CAMKMT: variants seen among roughly 807,000 people sequenced by gnomAD.
The protein encoded by CAMKMT is CaM KMT.
A neutral mutation model predicts 48.0 loss-of-function variants in CAMKMT; 53 were observed. The ratio of observed to expected loss-of-function variants is 1.10; its 90% CI spans 0.89 to 1.39. The LOEUF is 1.39. CAMKMT is among the 40% of genes most tolerant of loss of function. CAMKMT has a pLI of 0.00. For missense variants in CAMKMT, 428 were observed against 402.7 expected (o/e 1.06, Z -0.54); for synonymous variants, 165 against 152.3 (o/e 1.08, Z -0.61).
intron 3 of CAMKMT, among the ~76,000 whole-genome samples, chr2:44,625,450 C>T (rs1203577048): frequency 5.3e-5 from 8 of 151,900 alleles, no homozygotes; most frequent in African/African-American, 1.9e-4. Context: ...CAGATTTTTT[C>T]CCAGTCTTTG....
At chr2:44,388,040 A>G (rs1393646898) in intron 2 of CAMKMT, among the ~76,000 whole-genome samples, 1 of 152,050 alleles carries the variant, frequency 6.6e-6, no homozygotes, top group African/African-American at 2.4e-5. Context: ...AATTTCCCAG[A>G]GCTTCTTGTA....
At chr2:44,601,504 A>T (rs947667052) in intron 3 of CAMKMT, among the ~76,000 whole-genome samples, 1 of 151,984 alleles carries the variant, frequency 6.6e-6, no homozygotes, top group Non-Finnish European at 1.5e-5. Context: ...ACAAAATTTT[A>T]AAAAATCATA....
rs575553351 is a variant in CAMKMT at position 44,522,075 on chromosome 2, C to G, written c.376+131770C>G. ...CTGGAGTGCAGTGGCACAATCTCAG[C>G]TCACTGCAGCCTGCCCCTCCCAGGT... On this transcript the variant is annotated intron_variant, in intron 3 of 10. Coordinates refer to ENST00000378494, the MANE Select transcript of CAMKMT (RefSeq NM_024766.5). Among the ~76,000 whole-genome samples the G allele has an allele frequency of 9.2e-5, 14 of 151,646 alleles. No individual in the cohort carries two copies. The South Asian group carries it at 2.7e-3, about 29-fold the overall frequency.
At chr2:44,539,073 G>A (rs1666946395) in intron 3 of CAMKMT, among the ~76,000 whole-genome samples, 1 of 151,668 alleles carries the variant, frequency 6.6e-6, no homozygotes, top group African/African-American at 2.4e-5. Flanking sequence ...GGAGGCCGAG[G>A]TGGGTGGATT....
intron 3 of CAMKMT, among the ~76,000 whole-genome samples, chr2:44,683,186 T>A (rs1434457696): frequency 6.7e-6 from 1 of 149,664 alleles, no homozygotes; most frequent in Admixed American, 6.7e-5. Context: ...GCAGGGTTTC[T>A]ATAAAACTGT....
At chr2:44,725,970 G>A (rs1197785656) in intron 7 of CAMKMT, among the ~76,000 whole-genome samples, 1 of 152,138 alleles carries the variant, frequency 6.6e-6, no homozygotes, top group South Asian at 2.1e-4. Flanking sequence ...GTATCTGATA[G>A]GTAGTTTTTT....
intron 3 of CAMKMT, among the ~76,000 whole-genome samples, chr2:44,413,307 A>T (rs937869674): frequency 2.0e-5 from 3 of 152,030 alleles, no homozygotes; most frequent in Admixed American, 2.0e-4. Context: ...AGGCAGGTAG[A>T]TATTTAGAGA....
intron 3 of CAMKMT, among the ~76,000 whole-genome samples, chr2:44,617,391 G>A (rs1671951622): frequency 6.6e-6 from 1 of 152,170 alleles, no homozygotes; most frequent in African/African-American, 2.4e-5. Flanking sequence ...CACTCCTTAG[G>A]TAAGGGAAGA....
intron 3 of CAMKMT, among the ~76,000 whole-genome samples, chr2:44,394,001 T>G (rs1681591702): frequency 6.6e-6 from 1 of 152,214 alleles, no homozygotes; most frequent in South Asian, 2.1e-4. Context: ...AACTATTTGT[T>G]GTTTATAACA....
chr2:44,624,810 G>A, intron 3 of CAMKMT, among the ~76,000 whole-genome samples: 1 of 152,112 alleles, frequency 6.6e-6, no homozygotes, highest in Non-Finnish European at 1.5e-5. Context: ...CTTTATAGCA[G>A]CATGATTTAT....
intron 3 of CAMKMT, among the ~76,000 whole-genome samples, chr2:44,603,656 C>G (rs574917101): frequency 2.2e-3 from 341 of 152,258 alleles, no homozygotes; most frequent in Non-Finnish European, 4.1e-3. Flanking sequence ...GAAAGATGGT[C>G]TCACTTGATA....
intron 3 of CAMKMT, among the ~76,000 whole-genome samples, chr2:44,445,907 C>T (rs1191594862): frequency 6.6e-6 from 1 of 151,990 alleles, no homozygotes; most frequent in African/African-American, 2.4e-5. Flanking sequence ...GCCAGGAACT[C>T]TTAGATAGGC....
intron 3 of CAMKMT, among the ~76,000 whole-genome samples, chr2:44,685,578 G>A (rs1281670455): frequency 6.6e-6 from 1 of 152,108 alleles, no homozygotes; most frequent in Non-Finnish European, 1.5e-5. Context: ...ATTATGCTCA[G>A]CCATTAAAAC....
chr2:44,707,553 T>C, intron 6 of CAMKMT, 91 bp downstream of exon 6: 2 of 1,081,428 alleles, frequency 1.8e-6, no homozygotes, highest in Non-Finnish European at 2.7e-6. Flanking sequence ...CAGCATGGGG[T>C]ATTAAAAGAG....
chr2:44,734,476 G>A (rs1679253639), intron 7 of CAMKMT, among the ~76,000 whole-genome samples: 1 of 151,774 alleles, frequency 6.6e-6, no homozygotes, highest in African/African-American at 2.4e-5. Flanking sequence ...GTGCAATGGT[G>A]CAATCTCAGC....
At chr2:44,462,115 C>A (rs1003326086) in intron 3 of CAMKMT, among the ~76,000 whole-genome samples, 1 of 151,904 alleles carries the variant, frequency 6.6e-6, no homozygotes, top group Non-Finnish European at 1.5e-5. Context: ...ATGAATGGGG[C>A]TTTCTCCTGT....
chr2:44,441,963 A>G (rs1247128795), intron 3 of CAMKMT, among the ~76,000 whole-genome samples: 1 of 152,166 alleles, frequency 6.6e-6, no homozygotes, highest in Non-Finnish European at 1.5e-5. Context: ...GCAGCTATAT[A>G]CAAGGCTGAT....
chr2:44,707,821 G>T (rs1677647032), intron 6 of CAMKMT, among the ~76,000 whole-genome samples: 1 of 152,116 alleles, frequency 6.6e-6, no homozygotes. Flanking sequence ...TTTGGATATT[G>T]CTGGCAAATA....
rs1487555720 is a variant in CAMKMT, at chr2:44,398,711, C to T, written c.376+8406C>T. Among the ~76,000 whole-genome samples the T allele has an allele frequency of 4.1e-5, 6 of 147,558 alleles. No individual in the cohort carries two copies. In the East Asian group the frequency reaches 5.8e-4, roughly 14 times the overall value. ...TAAAAGTGCTTACATAAACGTAAATCACCCAAAGAGCTCAACTAAAAGGAT... is the reference window on the plus strand; with the variant it reads ...TAAAAGTGCTTACATAAACGTAAATTACCCAAAGAGCTCAACTAAAAGGAT... On this transcript the variant is annotated intron_variant, in intron 3 of 10. Transcript: ENST00000378494.
Sources: allele counts gnomAD v4.1 joint callset (sites outside exome capture counted in the v4.1 genomes callset), GRCh38; gene constraint gnomAD v4.1.1; transcripts MANE v1.5; gene names NCBI Gene and HGNC (gene_info 2026-07-23, HGNC 2026-07-21).